Variants in KIRREL3 observed in about 807,000 individuals in gnomAD.
KIRREL3 encodes kirre like nephrin family adhesion molecule 3.
A neutral mutation model predicts 89.7 loss-of-function variants in KIRREL3; 36 were observed. The ratio of observed to expected loss-of-function variants is 0.40; its 90% CI spans 0.31 to 0.53. KIRREL3 has a LOEUF of 0.53. Among genes scored for constraint, KIRREL3 ranks in the 20% least tolerant of loss-of-function variants. KIRREL3 has a pLI of 0.49. For missense variants in KIRREL3, 864 were observed against 1,056.6 expected (o/e 0.82, Z 2.53); for synonymous variants, 445 against 441.4 (o/e 1.01, Z -0.10).
rs1941387544 is a variant in KIRREL3 at position 126,578,717 on chromosome 11, C to G, written c.56-15805G>C. ...TATGGCAAACTTCCTGACCAACAGG[C>G]TTCTGGACTTCTGACTCAGCACCAG... On this transcript the variant is annotated intron_variant, in intron 1 of 16. Transcript: ENST00000525144. The surrounding 1 kb of genome is among the most constrained non-coding windows in gnomAD (Gnocchi z 4.9). Among the ~76,000 whole-genome samples, 1 of 152,150 alleles carries G rather than the reference C, an allele frequency of 6.6e-6. No individual in the cohort carries two copies. Among genetic ancestry groups the G allele is most frequent in the Admixed American group, 6.5e-5 (1 of 15,278 alleles).
chr11:126,752,956 T>C lies in KIRREL3; in HGVS notation c.56-190044A>G, dbSNP rs1949381473. ...GTTTTCTGAGCTCTTCCAGAATCTC[T>C]TGTGATAATATTGCTTTGTTTTAGC... is the stretch of plus-strand genomic sequence containing the variant. On this transcript the variant is annotated intron_variant, in intron 1 of 16. Coordinates refer to ENST00000525144, the MANE Select transcript of KIRREL3 (RefSeq NM_032531.4). The surrounding 1 kb of genome is among the most constrained non-coding windows in gnomAD (Gnocchi z 4.8). 6.6e-6 allele frequency among the ~76,000 whole-genome samples: 1 copy of C among 152,142 alleles called. No individual in the cohort carries two copies. Among genetic ancestry groups the C allele is most frequent in the Non-Finnish European group, 1.5e-5 (1 of 68,028 alleles).
chr11:126,833,599 G>A (rs1482003103), intron 1 of KIRREL3, among the ~76,000 whole-genome samples: 2 of 152,186 alleles, frequency 1.3e-5, no homozygotes, highest in Non-Finnish European at 2.9e-5. Context: ...CATGAAAATT[G>A]GAATTTCTTT....
intron 1 of KIRREL3, among the ~76,000 whole-genome samples, chr11:126,914,146 C>A (rs968386759): frequency 6.6e-6 from 1 of 152,146 alleles, no homozygotes; most frequent in Admixed American, 6.5e-5. Context: ...TGCCCTCTGT[C>A]ATGAGGAAGG....
chr11:126,552,916 T>C (rs1472755705), intron 2 of KIRREL3, among the ~76,000 whole-genome samples: 1 of 152,092 alleles, frequency 6.6e-6, no homozygotes, highest in East Asian at 1.9e-4. Flanking sequence ...AAATAGTCAT[T>C]ATACCAGTGT....
rs1296147483 is a variant in KIRREL3 at position 126,605,394 on chromosome 11, G to A, written c.56-42482C>T. Among the ~76,000 whole-genome samples the A allele has an allele frequency of 1.3e-5, 2 of 152,326 alleles. No homozygotes were observed. Among genetic ancestry groups the A allele is most frequent in the East Asian group, 1.9e-4 (1 of 5,190 alleles). ...GGTCTCCAGGTCTCAGGCCACTTGG[G>A]TCTGGGATTTGAGGCTCAGGGGGAG... On this transcript the variant is annotated intron_variant, in intron 1 of 16. Coordinates refer to ENST00000525144, the MANE Select transcript of KIRREL3 (RefSeq NM_032531.4). The surrounding 1 kb of genome is among the most constrained non-coding windows in gnomAD (Gnocchi z 5.7).
At chr11:126,863,494 T>TGTAAATGC (rs1565363217) in intron 1 of KIRREL3, among the ~76,000 whole-genome samples, 1 of 138,484 alleles carries the variant, frequency 7.2e-6, no homozygotes, top group Non-Finnish European at 1.5e-5. Flanking sequence ...TGAGTGCGTG[T>TGTAAATGC]GTGAGTGTGA....
rs530505212 is a variant in KIRREL3 at position 126,474,967 on chromosome 11, G to A, written c.434-1501C>T. Reference sequence around the variant, plus strand: ...CCACAGAAGGGACAGGAGGTGAGGCGACTGTCCTCTGAGGAATCCCTGTTT... The same window carrying A: ...CCACAGAAGGGACAGGAGGTGAGGCAACTGTCCTCTGAGGAATCCCTGTTT... On this transcript the variant is annotated intron_variant, in intron 4 of 16. Transcript: ENST00000525144. This position sits in a 1 kb window ranked among gnomAD's most constrained non-coding sequence, Gnocchi z 6.7. Among the ~76,000 whole-genome samples the A allele has an allele frequency of 2.1e-4, 32 of 152,254 alleles. No homozygotes were observed. Among genetic ancestry groups the A allele is most frequent in the African/African-American group, 7.2e-4 (30 of 41,556 alleles).
rs1300017183 is a variant in KIRREL3, at chr11:126,778,748, G to A, written c.56-215836C>T. ...AGAGAGTGCTATGTTAGCTCTTTGTGAACAAAAGCTATCATGCAGGGCCCA... is the reference window on the plus strand; with the variant it reads ...AGAGAGTGCTATGTTAGCTCTTTGTAAACAAAAGCTATCATGCAGGGCCCA... On this transcript the variant is annotated intron_variant, in intron 1 of 16. Transcript: ENST00000525144. The surrounding 1 kb of genome is among the most constrained non-coding windows in gnomAD (Gnocchi z 4.5). Among the ~76,000 whole-genome samples the A allele has an allele frequency of 1.3e-5, 2 of 152,138 alleles. No homozygotes were observed.
intron 1 of KIRREL3, among the ~76,000 whole-genome samples, chr11:126,691,241 G>T (rs1459246469): frequency 6.6e-6 from 1 of 152,140 alleles, no homozygotes; most frequent in Non-Finnish European, 1.5e-5. Context: ...TCGTAAAGTT[G>T]ATCATTCAAA....
At chr11:126,941,431 T>C (rs1948441203) in intron 1 of KIRREL3, among the ~76,000 whole-genome samples, 1 of 152,238 alleles carries the variant, frequency 6.6e-6, no homozygotes, top group African/African-American at 2.4e-5. Context: ...AGATGAGTCC[T>C]AACCCAGACT....
Position 126,473,147 on chromosome 11 carries a change from C to G in KIRREL3, c.591+162G>C, listed in dbSNP as rs1381101967. Among the ~76,000 whole-genome samples, 2 of 43,374 alleles carry G rather than the reference C, an allele frequency of 4.6e-5. 1 individual carries two copies. The highest frequency in any genetic ancestry group is 4.5e-4 in the Admixed American group (2 of 4,466). 28.5% of individuals were successfully genotyped at this position (43,374 alleles called of 152,430 possible). A position where few individuals can be genotyped will look rare whatever the true frequency, so the allele number is the denominator to read the frequency against. On this transcript the variant is annotated intron_variant, in intron 5 of 16. Coordinates refer to ENST00000525144, the MANE Select transcript of KIRREL3 (RefSeq NM_032531.4). ...AGCCCCCCGCCTAACCCCCTCTCTA[C>G]TTAACCTCCACCCCTCCTAGTCCCC... is the stretch of plus-strand genomic sequence containing the variant.
rs147015250 is a variant in KIRREL3 at position 126,516,828 on chromosome 11, C to T, written c.433+4487G>A. 7.9e-5 allele frequency among the ~76,000 whole-genome samples: 12 copies of T among 152,302 alleles called. No individual in the cohort carries two copies. Among genetic ancestry groups the T allele is most frequent in the Non-Finnish European group, 1.3e-4 (9 of 68,030 alleles). ...ACTTTAAAATACAGGCGGGGTGGCT[C>T]ACGCTTGTAATCCCAGCACTTTGGG... On this transcript the variant is annotated intron_variant, in intron 4 of 16. Transcript: ENST00000525144. This position sits in a 1 kb window ranked among gnomAD's most constrained non-coding sequence, Gnocchi z 4.9.
intron 1 of KIRREL3, among the ~76,000 whole-genome samples, chr11:126,962,493 T>C (rs1025659974): frequency 3.3e-5 from 5 of 152,152 alleles, no homozygotes; most frequent in African/African-American, 1.2e-4. Context: ...TGTAAGATTT[T>C]AGTGGATGAG....
chr11:126,986,885 T>G (rs564879644), intron 1 of KIRREL3, among the ~76,000 whole-genome samples: 1 of 152,218 alleles, frequency 6.6e-6, no homozygotes, highest in South Asian at 2.1e-4. Flanking sequence ...GAGGTGAAAA[T>G]GAGGGGACAC....
At chr11:126,672,266 T>G (rs1945986299) in intron 1 of KIRREL3, among the ~76,000 whole-genome samples, 1 of 152,200 alleles carries the variant, frequency 6.6e-6, no homozygotes, top group South Asian at 2.1e-4. Flanking sequence ...GAGACTAGTG[T>G]GTATATAAAG....
chr11:126,604,563 C>A (rs1184819551), intron 1 of KIRREL3, among the ~76,000 whole-genome samples: 1 of 152,228 alleles, frequency 6.6e-6, no homozygotes, highest in Non-Finnish European at 1.5e-5. Context: ...TCCTTCTTGG[C>A]CACTCTAAAT....
chr11:126,828,743 C>T (rs1405426023), intron 1 of KIRREL3, among the ~76,000 whole-genome samples: 5 of 152,152 alleles, frequency 3.3e-5, no homozygotes, highest in Admixed American at 3.3e-4. Flanking sequence ...TTTAAAAGTG[C>T]CAGCTTTGAA....
At position 126,520,804 on chromosome 11, in the gene KIRREL3, C is replaced by A. The variant is rs557161188; in HGVS notation, c.433+511G>T. Among the ~76,000 whole-genome samples the A allele has an allele frequency of 1.3e-5, 2 of 152,072 alleles. No individual in the cohort carries two copies. The highest frequency in any genetic ancestry group is 4.2e-4 in the South Asian group (2 of 4,804). ...CCTGTCAGCCAGGATTCCCAGGGAG[C>A]AATGAGGGGTGGAGAAGTCACGGGG... is the stretch of plus-strand genomic sequence containing the variant. On this transcript the variant is annotated intron_variant, in intron 4 of 16. Coordinates refer to ENST00000525144, the MANE Select transcript of KIRREL3 (RefSeq NM_032531.4). The surrounding 1 kb of genome is among the most constrained non-coding windows in gnomAD (Gnocchi z 4.9).
chr11:126,725,647 C>G (rs1327366854), intron 1 of KIRREL3, among the ~76,000 whole-genome samples: 1 of 152,196 alleles, frequency 6.6e-6, no homozygotes, highest in Non-Finnish European at 1.5e-5. Flanking sequence ...CTGGAGGAGG[C>G]CTGTCAGGGT....
Sources: gnomAD v4.1 joint callset for allele counts (sites outside exome capture counted in the v4.1 genomes callset) on GRCh38, gnomAD v4.1.1 for gene constraint, Gnocchi (gnomAD v3.1) non-coding constraint, MANE v1.5 for transcripts, NCBI Gene and HGNC (gene_info 2026-07-23, HGNC 2026-07-21) for gene names.